Variants in EIF4G3 observed in about 807,000 individuals in gnomAD.
EIF4G3 encodes the protein eIF-4-gamma 3.
EIF4G3 carries 34 observed loss-of-function variants against 186.4 expected under a neutral mutation model. The ratio of observed to expected loss-of-function variants is 0.18; its 90% confidence interval spans 0.14 to 0.24. The LOEUF (loss-of-function observed/expected upper bound fraction) is 0.24, where lower values mean the gene tolerates loss of function less well. Ranked by LOEUF, EIF4G3 falls within the 10% of genes least tolerant of loss-of-function variation. EIF4G3 has a pLI of 1.00. For missense variants in EIF4G3, 1,536 were observed against 1,948.5 expected, an observed-to-expected ratio of 0.79 and a Z score of 3.99; for synonymous variants, 673 against 679.5, an observed-to-expected ratio of 0.99 and a Z score of 0.15.
intron 2 of EIF4G3, among the ~76,000 whole-genome samples, chr1:21,147,401 C>A (rs1034292924): frequency 1.7e-4 from 26 of 151,778 alleles, no homozygotes; most frequent in African/African-American, 5.6e-4. Context: ...AGTGCAATCG[C>A]GTGATCTCGG....
chr1:21,110,446 C>T (rs920958991), intron 2 of EIF4G3, among the ~76,000 whole-genome samples: 3 of 152,114 alleles, frequency 2.0e-5, no homozygotes, highest in East Asian at 1.9e-4. Context: ...AGGAGCACAT[C>T]GCCACGCCCA....
At chr1:20,887,800 C>T (rs1572231707) in intron 18 of EIF4G3, among the ~76,000 whole-genome samples, 1 of 152,118 alleles carries the variant, frequency 6.6e-6, no homozygotes, top group South Asian at 2.1e-4. Context: ...TAAATTGTAA[C>T]TGAAACTTTA....
intron 2 of EIF4G3, among the ~76,000 whole-genome samples, chr1:21,130,216 CTT>C (rs71014159): frequency 2.7e-5 from 2 of 75,348 alleles, no homozygotes; most frequent in East Asian, 5.0e-4. Context: ...GACCCCATCT[CTT>C]TTTTTTTTTT....
chr1:21,030,102 C>T (rs1214085990), intron 4 of EIF4G3, among the ~76,000 whole-genome samples: 1 of 152,080 alleles, frequency 6.6e-6, no homozygotes, highest in Non-Finnish European at 1.5e-5. Flanking sequence ...TCAAACTCCT[C>T]GCTTCAAGTG....
At chr1:20,807,522 C>G in intron 36 of EIF4G3, 22 bp from the exon 37 acceptor site, 2 of 1,566,728 alleles carry the variant, frequency 1.3e-6, no homozygotes, top group Non-Finnish European at 1.7e-6. Flanking sequence ...TGAAAATAAA[C>G]TATAAGCTTT....
chr1:20,957,918 A>G (rs140491923), intron 12 of EIF4G3, among the ~76,000 whole-genome samples: 55 of 152,244 alleles, frequency 3.6e-4, no homozygotes, highest in Non-Finnish European at 6.2e-4. Flanking sequence ...AATTTCCAAC[A>G]CACAAAAAAA....
chr1:20,955,822 AGGGAACACT>A (rs1460762694), intron 12 of EIF4G3, among the ~76,000 whole-genome samples: 2 of 152,140 alleles, frequency 1.3e-5, no homozygotes, highest in Non-Finnish European at 2.9e-5. Context: ...AGTCTGAGAA[AGGGAACACT>A]GGAGGAGACA....
intron 25 of EIF4G3, among the ~76,000 whole-genome samples, chr1:20,856,626 T>A (rs938460845): frequency 1.3e-5 from 2 of 152,182 alleles, no homozygotes; most frequent in African/African-American, 4.8e-5. Context: ...GTCTCTTAAA[T>A]CCTTATTACA....
At chr1:20,910,798 A>G (rs2093072286) in intron 14 of EIF4G3, among the ~76,000 whole-genome samples, 1 of 152,158 alleles carries the variant, frequency 6.6e-6, no homozygotes, top group African/African-American at 2.4e-5. Flanking sequence ...AGGTTAAAAA[A>G]CAGAAAAGGG....
At chr1:20,962,527 T>A (rs897310031) in intron 12 of EIF4G3, among the ~76,000 whole-genome samples, 4 of 152,192 alleles carry the variant, frequency 2.6e-5, no homozygotes, top group African/African-American at 9.6e-5. Flanking sequence ...TATCTTGATA[T>A]CAAAAAGTTG....
At chr1:20,971,644 T>C (rs1184456514) in intron 11 of EIF4G3, among the ~76,000 whole-genome samples, 1 of 152,230 alleles carries the variant, frequency 6.6e-6, no homozygotes, top group Non-Finnish European at 1.5e-5. Flanking sequence ...TATTATTTTC[T>C]TGTTTGTTTA....
chr1:20,945,862 A>T (rs976714628), intron 13 of EIF4G3, among the ~76,000 whole-genome samples: 5 of 152,192 alleles, frequency 3.3e-5, no homozygotes, highest in Admixed American at 1.3e-4. Flanking sequence ...ACTTAAAAAA[A>T]TGCTTAGTAC....
In EIF4G3 at chr1:20,855,134, A is replaced by G. The variant is rs567178778; in HGVS notation, c.3340-63T>C. The G allele has an allele frequency of 1.8e-4, 249 of 1,358,498 alleles. 1 individual carries two copies. The African/African-American group carries it at 3.2e-3, about 17-fold the overall frequency. 84.2% of individuals were successfully genotyped at this position (1,358,498 alleles called of 1,614,324 possible). On this transcript the variant is annotated intron_variant, in intron 25 of 36. Transcript: ENST00000602326. Reference sequence around the variant, plus strand: ...ATTCTAGAAGAATAGTTTTTCTTTTATTTTTTTCTTCTTCAGTGAAGTAGA... The same window carrying G: ...ATTCTAGAAGAATAGTTTTTCTTTTGTTTTTTTCTTCTTCAGTGAAGTAGA...
At chr1:20,994,628 C>CTTT (rs3081939) in intron 7 of EIF4G3, among the ~76,000 whole-genome samples, 2,176 of 124,436 alleles carry the variant, frequency 0.017, 90 homozygotes, top group East Asian at 0.031. Context: ...AACATATATA[C>CTTT]TTTTTTTTTT....
At chr1:21,165,399 C>T (rs2097840914) in intron 2 of EIF4G3, among the ~76,000 whole-genome samples, 1 of 152,190 alleles carries the variant, frequency 6.6e-6, no homozygotes. Flanking sequence ...ACAGCAACAT[C>T]ATTCAGAGCC....
At chr1:21,131,905 AAGGCTGTAGT>A (rs1201850328) in intron 2 of EIF4G3, among the ~76,000 whole-genome samples, 1 of 152,014 alleles carries the variant, frequency 6.6e-6, no homozygotes, top group Non-Finnish European at 1.5e-5. Flanking sequence ...CTAGGAGGTC[AAGGCTGTAGT>A]AAGCCATGAT....
intron 2 of EIF4G3, among the ~76,000 whole-genome samples, chr1:21,113,849 T>C (rs904615293): frequency 6.6e-6 from 1 of 152,106 alleles, no homozygotes; most frequent in African/African-American, 2.4e-5. Flanking sequence ...ACCCCGTCTC[T>C]TCAAAAAATA....
intron 4 of EIF4G3, among the ~76,000 whole-genome samples, chr1:21,027,207 T>C (rs1033380295): frequency 6.7e-6 from 1 of 150,048 alleles, no homozygotes; most frequent in Non-Finnish European, 1.5e-5. Flanking sequence ...TTTTTTTTTT[T>C]TTTGAGACAG....
At position 20,879,337 on chromosome 1, in the gene EIF4G3, G is replaced by A. The variant is rs749396089; in HGVS notation, c.2608C>T (p.Arg870Ter). 1.3e-6 allele frequency: 2 copies of A among 1,596,064 alleles called. No individual in the cohort carries two copies. ...SFSVAYANMC[R>*]CLVTLKVPMA... is the part of the protein sequence containing the mutation. Reference sequence around the variant, plus strand: ...TCTCTTCTTACCGTTACTAGACATCGACACATGTTTGCGTAAGCCACAGAG... The same window carrying A: ...TCTCTTCTTACCGTTACTAGACATCAACACATGTTTGCGTAAGCCACAGAG... Residue 870 changes from arginine (R) to a stop codon, truncating the protein, a stop_gained, in exon 20 of 37, where the codon CGA (arginine) becomes TGA (stop). Transcript: ENST00000602326. LOFTEE classifies it high-confidence loss of function.
Sources: allele counts gnomAD v4.1 joint callset (sites outside exome capture counted in the v4.1 genomes callset), GRCh38; gene constraint gnomAD v4.1.1; transcripts MANE v1.5; gene names NCBI Gene and HGNC (gene_info 2026-07-23, HGNC 2026-07-21).